EHHADH: variants seen among roughly 807,000 people sequenced by gnomAD.
The protein encoded by EHHADH is peroxisomal bifunctional enzyme.
Under a neutral mutation model 64.4 loss-of-function variants are expected in EHHADH, and 48 were observed. The ratio of observed to expected loss-of-function variants is 0.75; its 90% CI spans 0.59 to 0.95. The LOEUF (loss-of-function observed/expected upper bound fraction) is 0.95, where lower values mean the gene tolerates loss of function less well. EHHADH is among the 40% of genes least tolerant of loss of function. The probability of loss-of-function intolerance (pLI) is 0.00; values close to 1 mark genes in which losing one functional copy is unlikely to be tolerated. For synonymous variants in EHHADH, 308 were observed against 326.7 expected (o/e 0.94, Z 0.62); for missense variants, 854 against 876.6 (o/e 0.97, Z 0.33).
intron 6 of EHHADH, among the ~76,000 whole-genome samples, chr3:185,199,091 T>A (rs1397979711): frequency 6.6e-6 from 1 of 151,750 alleles, no homozygotes; most frequent in South Asian, 2.1e-4. Context: ...GTTGGATGAA[T>A]CAAAAAAAGC....
Position 185,193,063 on chromosome 3 carries a change from A to G in EHHADH, c.1335T>C (p.Val445=). 1 of 1,614,140 alleles carries G rather than the reference A, an allele frequency of 6.2e-7. No individual in the cohort carries two copies. Among genetic ancestry groups the G allele is most frequent in the Non-Finnish European group, 8.5e-7 (1 of 1,180,002 alleles). Reference sequence around the variant, plus strand: ...TGGGGGAAGAGTATTGGCTGGGAATAACCTCTAACAACTTCATGACATGAG... The same window carrying G: ...TGGGGGAAGAGTATTGGCTGGGAATGACCTCTAACAACTTCATGACATGAG... ...SPAHVMKLLE[V]IPSQYSSPTT... The change falls in exon 7 of 7, where the codon GTT becomes GTC. Residue 445 remains valine (V), a synonymous_variant. Transcript: ENST00000231887.
chr3:185,206,066 T>C (rs1718382050), intron 5 of EHHADH, among the ~76,000 whole-genome samples: 1 of 151,928 alleles, frequency 6.6e-6, no homozygotes, highest in Non-Finnish European at 1.5e-5. Flanking sequence ...GCACGCTGAC[T>C]CATACGATCT....
intron 2 of EHHADH, chr3:185,245,716 C>T (rs1719576205): frequency 2.8e-6 from 2 of 705,822 alleles, no homozygotes; most frequent in Middle Eastern, 4.0e-4. Flanking sequence ...TATAGAACCA[C>T]TTGTACCCAA....
rs1717914575 is a variant in EHHADH at position 185,192,623 on chromosome 3, G to C, written c.1775C>G (p.Pro592Arg). 1 of 1,614,228 alleles carries C rather than the reference G, an allele frequency of 6.2e-7. No individual in the cohort carries two copies. Among genetic ancestry groups the C allele is most frequent in the Middle Eastern group, 1.6e-4 (1 of 6,062 alleles). ...YDKPLGRIHKPDPWLSKFLSR... is the reference protein window; with the variant it reads ...YDKPLGRIHKRDPWLSKFLSR... ...TAGGAATTTGGAAAGCCAGGGATCA[G>C]GTTTGTGAATCCTACCCAATGGCTT... Residue 592 changes from proline (P) to arginine (R), a missense_variant, in exon 7 of 7, where the codon CCT (proline) becomes CGT (arginine). Physicochemically the swap from Pro to Arg is moderately radical, Grantham distance 103. Coordinates refer to ENST00000231887, the MANE Select transcript of EHHADH (RefSeq NM_001966.4).
chr3:185,253,985 A>G lies in EHHADH; in HGVS notation c.38T>C (p.Leu13Pro), dbSNP rs751557206. ...GACCGGCGGGTTTCGGAGGCGGATT[A>G]GCGCCAAGGCGTTGTGCAGCCGCGT... is the stretch of plus-strand genomic sequence containing the variant. ...EYTRLHNALA[L>P]IRLRNPPVNA... The change falls in exon 1 of 7, where the codon CTA becomes CCA. Residue 13 changes from leucine to proline, a missense_variant. Transcript: ENST00000231887. 2 of 1,613,944 alleles carry G rather than the reference A, an allele frequency of 1.2e-6. No individual in the cohort carries two copies. Among genetic ancestry groups the G allele is most frequent in the Non-Finnish European group, 1.7e-6 (2 of 1,179,918 alleles).
At chr3:185,243,987 CT>C (rs1337750773) in intron 2 of EHHADH, among the ~76,000 whole-genome samples, 1 of 152,068 alleles carries the variant, frequency 6.6e-6, no homozygotes, top group Non-Finnish European at 1.5e-5. Context: ...CTGTCTATCT[CT>C]TTTATTAGGT....
rs1719267273 is a variant in EHHADH, at chr3:185,235,520, T to A, written c.179-58A>T. 8.6e-6 allele frequency: 12 copies of A among 1,394,308 alleles called. No individual in the cohort carries two copies. In the South Asian group the frequency reaches 1.5e-4, roughly 17 times the overall value. The allele number at this position is 1,394,308 out of a possible 1,614,324, so 86.4% of individuals were successfully genotyped here. A position where few individuals can be genotyped will look rare whatever the true frequency, so the allele number is the denominator to read the frequency against. The stretch of plus-strand genomic sequence containing the variant: ...TGAGAAATACATGGGCATTGTTATA[T>A]AACAGTAAGTTACCTGATACTCTTT... On this transcript the variant is annotated intron_variant, in intron 2 of 6. Transcript: ENST00000231887.
At chr3:185,221,346 T>G (rs750806753) in intron 4 of EHHADH, among the ~76,000 whole-genome samples, 11 of 152,218 alleles carry the variant, frequency 7.2e-5, no homozygotes, top group Admixed American at 2.6e-4. Context: ...TGTTGGATCC[T>G]AAGCATCCTT....
At chr3:185,200,084 T>C (rs531038735) in intron 6 of EHHADH, among the ~76,000 whole-genome samples, 14 of 152,354 alleles carry the variant, frequency 9.2e-5, no homozygotes, top group Non-Finnish European at 1.5e-4. Context: ...AATGACCTTA[T>C]GGAATAAGCA....
At position 185,193,207 on chromosome 3, in the gene EHHADH, TGA is replaced by T; in HGVS notation, c.1189_1190del (p.Ala398CysfsTer11). 6.2e-7 allele frequency: 1 copy of T among 1,611,416 alleles called. No individual in the cohort carries two copies. Among genetic ancestry groups the T allele is most frequent in the Middle Eastern group, 1.7e-4 (1 of 6,036 alleles). ...SLKKQVFAEL[S>X]AVCKPEAFLC... ...AAAATGCTTCTGGTTTGCACACAGC[TGA>T]GAGTTCAGCAAAGACCTGCTTCTTC... On this transcript the variant is annotated frameshift_variant, in exon 7 of 7. Coordinates refer to ENST00000231887, the MANE Select transcript of EHHADH (RefSeq NM_001966.4). LOFTEE classifies it high-confidence loss of function.
chr3:185,194,859 T>C (rs1295263579), intron 6 of EHHADH, among the ~76,000 whole-genome samples: 3 of 117,254 alleles, frequency 2.6e-5, no homozygotes, highest in African/African-American at 6.1e-5. Flanking sequence ...CAGTGTAAGA[T>C]AGTGGTCATT....
At chr3:185,206,400 A>C (rs1718392567) in intron 5 of EHHADH, among the ~76,000 whole-genome samples, 2 of 152,150 alleles carry the variant, frequency 1.3e-5, no homozygotes, top group Admixed American at 1.3e-4. Flanking sequence ...AGAAAATATA[A>C]AAAAATTTTC....
rs1262749016 is a variant in EHHADH, at chr3:185,193,461, C to CAA, written c.935_936dup (p.Val313LeufsTer12). 1.2e-6 allele frequency: 2 copies of CAA among 1,614,018 alleles called. No individual in the cohort carries two copies. The highest frequency in any genetic ancestry group is 2.7e-5 in the African/African-American group (2 of 74,932). On this transcript the variant is annotated frameshift_variant, in exon 7 of 7. Coordinates refer to ENST00000231887, the MANE Select transcript of EHHADH (RefSeq NM_001966.4). LOFTEE classifies it high-confidence loss of function. ...ATCCTGGCCCTTGCAAAAGAAATGA[C>CAA]AATGCCTCGGCCCATTGTTCCCAAG... is the stretch of plus-strand genomic sequence containing the variant.
At chr3:185,198,553 A>G (rs957262733) in intron 6 of EHHADH, among the ~76,000 whole-genome samples, 36 of 151,716 alleles carry the variant, frequency 2.4e-4, no homozygotes, top group African/African-American at 7.5e-4. Context: ...AATCGCTTTT[A>G]AAGGGTGAAT....
chr3:185,244,846 G>A (rs867051234), intron 2 of EHHADH, among the ~76,000 whole-genome samples: 15 of 152,218 alleles, frequency 9.9e-5, no homozygotes, highest in African/African-American at 3.1e-4. Context: ...CCAGAGCAAT[G>A]AGAGAATAGA....
At chr3:185,253,856 G>A in intron 1 of EHHADH, 93 bp downstream of exon 1, 1 of 1,556,542 alleles carries the variant, frequency 6.4e-7, no homozygotes, top group South Asian at 1.2e-5. Context: ...GTCCTTCTCG[G>A]TTTAAACCGA....
intron 4 of EHHADH, among the ~76,000 whole-genome samples, chr3:185,228,745 A>T (rs1244845495): frequency 2.0e-5 from 3 of 152,136 alleles, no homozygotes; most frequent in Non-Finnish European, 4.4e-5. Context: ...CCAGTGAAAA[A>T]TTTAGTCATT....
chr3:185,199,746 G>A (rs1372437981), intron 6 of EHHADH, among the ~76,000 whole-genome samples: 1 of 152,004 alleles, frequency 6.6e-6, no homozygotes, highest in Non-Finnish European at 1.5e-5. Context: ...GTTTTGTTTT[G>A]TATTTTGTTT....
intron 4 of EHHADH, among the ~76,000 whole-genome samples, chr3:185,226,296 GA>G (rs1718973581): frequency 6.6e-6 from 1 of 152,182 alleles, no homozygotes; most frequent in African/African-American, 2.4e-5. Context: ...CATAGGAAAG[GA>G]AGCCTCCTGC....
Sources: allele counts gnomAD v4.1 joint callset (sites outside exome capture counted in the v4.1 genomes callset), GRCh38; gene constraint gnomAD v4.1.1; transcripts MANE v1.5; gene names NCBI Gene and HGNC (gene_info 2026-07-23, HGNC 2026-07-21).